The following EIF2S1 variants were observed in gnomAD, a reference collection of about 807,000 sequenced individuals.
EIF2S1 encodes eukaryotic translation initiation factor 2 subunit 1.
Under a neutral mutation model 33.5 loss-of-function variants are expected in EIF2S1, and 5 were observed. The observed-to-expected ratio is 0.15, with a 90% CI of 0.08 to 0.31. The LOEUF is 0.31. Ranked by LOEUF, EIF2S1 falls within the 10% of genes least tolerant of loss-of-function variation. The pLI, the probability that EIF2S1 is intolerant of heterozygous loss-of-function variation, is 1.00. For missense variants in EIF2S1, 191 were observed against 384.6 expected, an observed-to-expected ratio of 0.50 and a Z score of 4.21; for synonymous variants, 99 against 127.5, an observed-to-expected ratio of 0.78 and a Z score of 1.51.
intron 2 of EIF2S1, among the ~76,000 whole-genome samples, chr14:67,365,215 T>A (rs535027089): frequency 6.6e-6 from 1 of 152,222 alleles, no homozygotes; most frequent in Non-Finnish European, 1.5e-5. Flanking sequence ...CATCCTAGGA[T>A]TTTATGGATC....
chr14:67,373,883 A>C (rs1398363092), intron 2 of EIF2S1, among the ~76,000 whole-genome samples: 1 of 143,522 alleles, frequency 7.0e-6, no homozygotes, highest in East Asian at 2.0e-4. Context: ...GTCTTCTGTG[A>C]CGATAGCCTC....
chr14:67,360,530 G>A (rs372926725), intron 1 of EIF2S1, 74 bp downstream of exon 1: 3 of 271,068 alleles, frequency 1.1e-5, no homozygotes, highest in East Asian at 6.4e-5. Flanking sequence ...GTTCGAGAGC[G>A]GGTAGGCCCC....
intron 5 of EIF2S1, among the ~76,000 whole-genome samples, chr14:67,381,121 A>G (rs920018030): frequency 6.6e-6 from 1 of 152,196 alleles, no homozygotes; most frequent in Non-Finnish European, 1.5e-5. Context: ...CCAGTGTATC[A>G]TAGGTACCCT....
intron 1 of EIF2S1, 97 bp from the exon 2 acceptor site, chr14:67,364,670 C>T: frequency 4.8e-6 from 6 of 1,257,760 alleles, no homozygotes; most frequent in African/African-American, 3.1e-5. Flanking sequence ...CTATTTTTTT[C>T]TTCATCTTTT....
intron 3 of EIF2S1, among the ~76,000 whole-genome samples, chr14:67,376,081 G>A (rs1364504067): frequency 6.6e-6 from 1 of 152,160 alleles, no homozygotes; most frequent in Non-Finnish European, 1.5e-5. Context: ...TCTCTCCTCA[G>A]GGAGTAATAA....
At chr14:67,361,965 G>C (rs943202599) in intron 1 of EIF2S1, among the ~76,000 whole-genome samples, 2 of 147,796 alleles carry the variant, frequency 1.4e-5, no homozygotes, top group African/African-American at 4.9e-5. Flanking sequence ...TTGCTTGCTA[G>C]TTTGTTTCCC....
At chr14:67,375,232 C>CTGTGTGTGTGTGTGTG (rs3067321) in intron 3 of EIF2S1, among the ~76,000 whole-genome samples, 1 of 137,574 alleles carries the variant, frequency 7.3e-6, no homozygotes. Context: ...ATCCTCAGTT[C>CTGTGTGTGTGTGTGTG]TGTGTGTGTG....
intron 2 of EIF2S1, among the ~76,000 whole-genome samples, chr14:67,373,077 C>T (rs541013106): frequency 6.6e-6 from 1 of 152,282 alleles, no homozygotes; most frequent in South Asian, 2.1e-4. Flanking sequence ...AACTGCTCCA[C>T]ATTGCTCATG....
chr14:67,364,549 G>T (rs925968231), intron 1 of EIF2S1: 1 of 457,818 alleles, frequency 2.2e-6, no homozygotes, highest in Non-Finnish European at 3.9e-6. Flanking sequence ...AATCACCCAA[G>T]CATTACAAAA....
rs190620053 is a variant in EIF2S1 at position 67,384,084 on chromosome 14, A to G, written c.*644A>G. 9.7e-5 allele frequency: 15 copies of G among 154,588 alleles called. No homozygotes were observed. Among genetic ancestry groups the G allele is most frequent in the African/African-American group, 3.6e-4 (15 of 41,574 alleles). 9.6% of individuals were successfully genotyped at this position (154,588 alleles called of 1,614,324 possible). ...ACAAAGCCTTAAAATGCATTGAAAG[A>G]ATTAGATCGGTTCTGTGCCTTTTAT... On this transcript the variant is annotated 3_prime_UTR_variant, in exon 8 of 8. Transcript: ENST00000256383.
rs2085906738 is a variant in EIF2S1 at position 67,384,344 on chromosome 14, G to C, written c.*904G>C. 6.7e-6 allele frequency: 1 copy of C among 150,108 alleles called. No individual in the cohort carries two copies. Among genetic ancestry groups the C allele is most frequent in the African/African-American group, 2.5e-5 (1 of 40,782 alleles). The allele number at this position is 150,108 out of a possible 1,614,324, so 9.3% of individuals were successfully genotyped here. The stretch of plus-strand genomic sequence containing the variant: ...CTCCAGTTCTTTATAACAAAACAGG[G>C]ATCTGTTTGAACACTTACTGTTGTT... On this transcript the variant is annotated 3_prime_UTR_variant, in exon 8 of 8. Coordinates refer to ENST00000256383, the MANE Select transcript of EIF2S1 (RefSeq NM_004094.5).
chr14:67,386,407 C>T lies in EIF2S1; in HGVS notation c.*2967C>T, dbSNP rs1456165810. 1 of 152,154 alleles carries T rather than the reference C, an allele frequency of 6.6e-6. No individual in the cohort carries two copies. Among genetic ancestry groups the T allele is most frequent in the Non-Finnish European group, 1.5e-5 (1 of 68,014 alleles). 9.4% of individuals were successfully genotyped at this position (152,154 alleles called of 1,614,324 possible). On this transcript the variant is annotated 3_prime_UTR_variant, in exon 8 of 8. Coordinates refer to ENST00000256383, the MANE Select transcript of EIF2S1 (RefSeq NM_004094.5). ...CTTAAATGTAAGTTATGTATTTTAT[C>T]TGTTGATTAAGGGGAGGTCCAAGCA...
chr14:67,371,024 C>CA (rs1555346393), intron 2 of EIF2S1, among the ~76,000 whole-genome samples: 2 of 151,132 alleles, frequency 1.3e-5, no homozygotes, highest in East Asian at 1.9e-4. Flanking sequence ...GACCCTGTCT[C>CA]AAAAAAAAGG....
At chr14:67,371,977 T>A (rs553410997) in intron 2 of EIF2S1, among the ~76,000 whole-genome samples, 1 of 152,298 alleles carries the variant, frequency 6.6e-6, no homozygotes, top group South Asian at 2.1e-4. Flanking sequence ...GTCATAACTT[T>A]ATGTTGGCTG....
chr14:67,380,195 T>A (rs924578850), intron 4 of EIF2S1, among the ~76,000 whole-genome samples: 3 of 152,270 alleles, frequency 2.0e-5, no homozygotes, highest in Non-Finnish European at 4.4e-5. Flanking sequence ...GTCCCTGTCC[T>A]GTGGCACTTA....
intron 7 of EIF2S1, 143 bp downstream of exon 7, chr14:67,382,733 AC>A: frequency 1.0e-5 from 9 of 885,980 alleles, no homozygotes; most frequent in African/African-American, 1.7e-5. Context: ...TGTTAGGGTC[AC>A]CCCCCGTCCC....
rs1253390461 is a variant in EIF2S1, at chr14:67,383,720, A to G, written c.*280A>G. Reference sequence around the variant, plus strand: ...TTCTAAAATTGGGCTTGTGATTTCCATTTCTGATGTCTCCAGATTGGCACC... The same window carrying G: ...TTCTAAAATTGGGCTTGTGATTTCCGTTTCTGATGTCTCCAGATTGGCACC... On this transcript the variant is annotated 3_prime_UTR_variant, in exon 8 of 8. Transcript: ENST00000256383. The G allele has an allele frequency of 2.7e-6, 1 of 373,002 alleles. No homozygotes were observed. The highest frequency in any genetic ancestry group is 2.1e-5 in the African/African-American group (1 of 47,390). The allele number at this position is 373,002 out of a possible 1,614,324, so 23.1% of individuals were successfully genotyped here. A position where few individuals can be genotyped will look rare whatever the true frequency, so the allele number is the denominator to read the frequency against.
intron 5 of EIF2S1, 51 bp downstream of exon 5, chr14:67,380,816 G>A (rs768878629): frequency 6.0e-6 from 6 of 1,003,336 alleles, no homozygotes; most frequent in Admixed American, 2.8e-5. Flanking sequence ...CATCAAAAAA[G>A]CTATTAAATA....
Position 67,365,742 on chromosome 14 carries a change from G to A in EIF2S1, c.241+734G>A, listed in dbSNP as rs112880920. 1.5e-3 allele frequency among the ~76,000 whole-genome samples: 234 copies of A among 152,252 alleles called. 1 individual carries two copies. Among genetic ancestry groups the A allele is most frequent in the African/African-American group, 5.5e-3 (229 of 41,540 alleles). ...TAGGTCATTAGTTACCATCATGTCC[G>A]AAAGGCTTCATATCAGTCACCTTGA... On this transcript the variant is annotated intron_variant, in intron 2 of 7. Transcript: ENST00000256383.
Sources: gnomAD v4.1 joint callset for allele counts (sites outside exome capture counted in the v4.1 genomes callset) on GRCh38, gnomAD v4.1.1 for gene constraint, MANE v1.5 for transcripts, NCBI Gene and HGNC (gene_info 2026-07-23, HGNC 2026-07-21) for gene names.